Variants in ANKRD18A observed in about 807,000 individuals in gnomAD.
The protein encoded by ANKRD18A is ankyrin repeat domain-containing protein 18A.
Under a neutral mutation model 110.6 loss-of-function variants are expected in ANKRD18A, and 72 were observed. That is an observed-to-expected ratio of 0.65 (90% confidence interval 0.54 to 0.79). ANKRD18A has a LOEUF of 0.79. ANKRD18A is among the 30% of genes least tolerant of loss of function. The pLI is 0.00. For missense variants in ANKRD18A, 934 were observed against 1,163.3 expected (o/e 0.80, Z 2.87); for synonymous variants, 305 against 410.3 (o/e 0.74, Z 3.10).
chr9:38,598,378 A>G (rs1274946830), intron 8 of ANKRD18A, among the ~76,000 whole-genome samples: 1 of 152,222 alleles, frequency 6.6e-6, no homozygotes, highest in Non-Finnish European at 1.5e-5. Flanking sequence ...CAGAACCGTC[A>G]TTTAGATAGC....
intron 7 of ANKRD18A, among the ~76,000 whole-genome samples, chr9:38,601,991 GAAAAAAAAAA>G (rs66982362): frequency 2.5e-5 from 2 of 79,642 alleles, no homozygotes; most frequent in Admixed American, 1.4e-4. Context: ...TCCAAAAACA[GAAAAAAAAAA>G]AAAAAAAGGA....
At chr9:38,575,945 A>C (rs1823875641) in intron 14 of ANKRD18A, among the ~76,000 whole-genome samples, 1 of 152,178 alleles carries the variant, frequency 6.6e-6, no homozygotes, top group African/African-American at 2.4e-5. Flanking sequence ...CAGGGAAGAG[A>C]AATGGCTATC....
intron 6 of ANKRD18A, chr9:38,604,058 G>A (rs1224221185): frequency 6.6e-6 from 1 of 152,392 alleles, no homozygotes; most frequent in South Asian, 2.1e-4. Context: ...CCAGCACTTT[G>A]GGAGGCTGAG....
At chr9:38,598,635 T>A (rs951374630) in intron 8 of ANKRD18A, among the ~76,000 whole-genome samples, 1 of 152,212 alleles carries the variant, frequency 6.6e-6, no homozygotes, top group Non-Finnish European at 1.5e-5. Flanking sequence ...ATGCTTTTGA[T>A]GTTCTGTCAT....
At chr9:38,613,112 G>A (rs370081506) in intron 3 of ANKRD18A, among the ~76,000 whole-genome samples, 17 of 151,356 alleles carry the variant, frequency 1.1e-4, no homozygotes, top group East Asian at 5.8e-4. Flanking sequence ...AGGAGTTAAA[G>A]CTCAAATACT....
In ANKRD18A at chr9:38,593,817, A is replaced by G; in HGVS notation, c.1947T>C (p.His649=). The part of the protein sequence containing the change: ...ESPLEGTSHC[H]INLNETWTSK... Reference sequence around the variant, plus strand: ...AAGTCCATGTCTCATTCAAATTAATATGACAATGTGATGTACCTTCCAGTG... The same window carrying G: ...AAGTCCATGTCTCATTCAAATTAATGTGACAATGTGATGTACCTTCCAGTG... Residue 649 remains histidine (H), a synonymous_variant, in exon 10 of 16, where the codon CAT becomes CAC. Coordinates refer to ENST00000399703, the MANE Select transcript of ANKRD18A (RefSeq NM_147195.4). 6.5e-7 allele frequency: 1 copy of G among 1,543,318 alleles called. No homozygotes were observed. Among genetic ancestry groups the G allele is most frequent in the Non-Finnish European group, 8.7e-7 (1 of 1,143,752 alleles).
At chr9:38,576,326 T>C (rs1476066430) in intron 14 of ANKRD18A, among the ~76,000 whole-genome samples, 2 of 152,186 alleles carry the variant, frequency 1.3e-5, no homozygotes, top group African/African-American at 2.4e-5. Context: ...ACTGGTTGGT[T>C]GGTGATCAAA....
In ANKRD18A at chr9:38,615,756, G is replaced by A. The variant is rs1314042936; in HGVS notation, c.333C>T (p.Ser111=). ...NRTPLMKAVH[S]QEEACAIVLL... is the part of the protein sequence containing the mutation. ...GAACGATGGCACAAGCCTCTTCCTG[G>A]CTGTGTACAGCCTATTAGTGTTAGA... The change falls in exon 3 of 16, where the codon AGC becomes AGT. Residue 111 remains serine, a synonymous_variant. Transcript: ENST00000399703. 1 of 1,612,838 alleles carries A rather than the reference G, an allele frequency of 6.2e-7. No individual in the cohort carries two copies. The highest frequency in any genetic ancestry group is 2.2e-5 in the East Asian group (1 of 44,868).
chr9:38,588,879 T>C (rs1345212869), intron 10 of ANKRD18A, among the ~76,000 whole-genome samples: 2 of 152,178 alleles, frequency 1.3e-5, no homozygotes, highest in African/African-American at 4.8e-5. Flanking sequence ...TTTTCTGAAA[T>C]TTAAACTGCC....
rs1289987198 is a variant in ANKRD18A at position 38,609,867 on chromosome 9, T to C, written c.740+406A>G. On this transcript the variant is annotated intron_variant, in intron 5 of 15. Coordinates refer to ENST00000399703, the MANE Select transcript of ANKRD18A (RefSeq NM_147195.4). ...GAAAAGTCAGGCCAGGCATGGTGGC[T>C]AGCAGTTTGCGAGGCCAAGGCAGGA... is the stretch of plus-strand genomic sequence containing the variant. Among the ~76,000 whole-genome samples, 7 of 148,914 alleles carry C rather than the reference T, an allele frequency of 4.7e-5. No homozygotes were observed. The Admixed American group carries it at 4.8e-4, about 10-fold the overall frequency.
At chr9:38,608,962 T>A (rs1293687142) in intron 5 of ANKRD18A, among the ~76,000 whole-genome samples, 1 of 152,048 alleles carries the variant, frequency 6.6e-6, no homozygotes, top group African/African-American at 2.4e-5. Flanking sequence ...TTGAGTACAA[T>A]CCCAACTAAT....
chr9:38,579,805 A>T (rs1036971817), intron 12 of ANKRD18A, among the ~76,000 whole-genome samples: 7 of 152,160 alleles, frequency 4.6e-5, no homozygotes, highest in African/African-American at 1.7e-4. Context: ...CTGCCGAGGG[A>T]TCCAGCAACC....
At chr9:38,591,533 T>C (rs1824648475) in intron 10 of ANKRD18A, among the ~76,000 whole-genome samples, 1 of 152,168 alleles carries the variant, frequency 6.6e-6, no homozygotes, top group South Asian at 2.1e-4. Flanking sequence ...TAGAAGCACT[T>C]AGAAGAGTAC....
chr9:38,578,257 A>G (rs1327485112), intron 12 of ANKRD18A, 109 bp from the exon 13 acceptor site: 8 of 1,070,112 alleles, frequency 7.5e-6, no homozygotes, highest in Admixed American at 3.2e-5. Context: ...AATGTTATCT[A>G]TAATGTAGTA....
chr9:38,579,218 G>A (rs1156982179), intron 12 of ANKRD18A, among the ~76,000 whole-genome samples: 2 of 152,248 alleles, frequency 1.3e-5, no homozygotes, highest in East Asian at 1.9e-4. Flanking sequence ...GAAATGTAAG[G>A]CCCCAAATTA....
chr9:38,575,867 T>A (rs1409754956), intron 14 of ANKRD18A, among the ~76,000 whole-genome samples, 169 bp from the exon 15 acceptor site: 1 of 152,226 alleles, frequency 6.6e-6, no homozygotes, highest in East Asian at 1.9e-4. Context: ...ACGGTAATTT[T>A]AAAATCATCC....
In ANKRD18A at chr9:38,577,324, G is replaced by T. The variant is rs1823939557; in HGVS notation, c.2530-60C>A. ...ATTATAAGTTAATTACCATAGGTTT[G>T]TTGCCTTTCATTTTGAATCAGTGAT... On this transcript the variant is annotated intron_variant, in intron 13 of 15. Transcript: ENST00000399703. The T allele has an allele frequency of 1.7e-5, 25 of 1,466,292 alleles. No individual in the cohort carries two copies. The South Asian group carries it at 2.9e-4, about 17-fold the overall frequency. The allele number at this position is 1,466,292 out of a possible 1,614,324, so 90.8% of individuals were successfully genotyped here. A position where few individuals can be genotyped will look rare whatever the true frequency, so the allele number is the denominator to read the frequency against.
chr9:38,579,677 A>G (rs1824065881), intron 12 of ANKRD18A, among the ~76,000 whole-genome samples: 1 of 152,220 alleles, frequency 6.6e-6, no homozygotes, highest in African/African-American at 2.4e-5. Context: ...AACACACAAA[A>G]AAGTGCTGGT....
chr9:38,608,300 G>C (rs1166935103), intron 5 of ANKRD18A, among the ~76,000 whole-genome samples: 1 of 152,006 alleles, frequency 6.6e-6, no homozygotes, highest in Non-Finnish European at 1.5e-5. Context: ...CAGCAGGTCT[G>C]TGTTAGAGGC....
Sources: gnomAD v4.1 joint callset for allele counts (sites outside exome capture counted in the v4.1 genomes callset) on GRCh38, gnomAD v4.1.1 for gene constraint, MANE v1.5 for transcripts, NCBI Gene and HGNC (gene_info 2026-07-23, HGNC 2026-07-21) for gene names.